Variants in PTCD2 observed in about 807,000 individuals in gnomAD.
PTCD2 encodes the protein pentatricopeptide repeat-containing protein 2, mitochondrial.
In PTCD2, 31 loss-of-function variants were observed where a neutral mutation model predicts 42.6. The observed-to-expected ratio is 0.73, with a 90% CI of 0.55 to 0.98. PTCD2 has a LOEUF of 0.98. Among genes scored for constraint, PTCD2 ranks in the 50% least tolerant of loss-of-function variants. The probability of loss-of-function intolerance (pLI) is 0.00; values close to 1 mark genes in which losing one functional copy is unlikely to be tolerated. For synonymous variants in PTCD2, 183 were observed against 170.9 expected, an observed-to-expected ratio of 1.07 and a Z score of -0.55; for missense variants, 476 against 454.8, an observed-to-expected ratio of 1.05 and a Z score of -0.42.
intron 9 of PTCD2, among the ~76,000 whole-genome samples, chr5:72,357,500 G>A (rs1197589177): frequency 1.3e-5 from 2 of 152,024 alleles, no homozygotes; most frequent in Non-Finnish European, 2.9e-5. Flanking sequence ...GCAACTTTTT[G>A]AACAGAAATG....
rs1014330443 is a variant in PTCD2, at chr5:72,364,444, C to T, written c.*6017C>T. ...CAGTTGTCTGTGTCATTTATTTTAACATGTAAAGTACACTGCCTTGTATTG... is the reference window on the plus strand; with the variant it reads ...CAGTTGTCTGTGTCATTTATTTTAATATGTAAAGTACACTGCCTTGTATTG... On this transcript the variant is annotated 3_prime_UTR_variant, in exon 10 of 10. Coordinates refer to ENST00000380639, the MANE Select transcript of PTCD2 (RefSeq NM_024754.5). The T allele has an allele frequency of 1.3e-5, 2 of 152,212 alleles. No individual in the cohort carries two copies. The highest frequency in any genetic ancestry group is 4.8e-5 in the African/African-American group (2 of 41,448). 9.4% of individuals were successfully genotyped at this position (152,212 alleles called of 1,614,324 possible). A position where few individuals can be genotyped will look rare whatever the true frequency, so the allele number is the denominator to read the frequency against.
Position 72,368,393 on chromosome 5 carries a change from T to C in PTCD2, c.*9966T>C, listed in dbSNP as rs569305472. ...ACATTTCAAATAAACTAATGTGTTA[T>C]GATTTTTTTTTCTCCTTGAATTTTA... is the stretch of plus-strand genomic sequence containing the variant. On this transcript the variant is annotated 3_prime_UTR_variant, in exon 10 of 10. Transcript: ENST00000380639. 2 of 152,346 alleles carry C rather than the reference T, an allele frequency of 1.3e-5. No homozygotes were observed. Among genetic ancestry groups the C allele is most frequent in the East Asian group, 3.9e-4 (2 of 5,186 alleles). The allele number at this position is 152,346 out of a possible 1,614,324, so 9.4% of individuals were successfully genotyped here.
rs1012177560 is a variant in PTCD2 at position 72,366,712 on chromosome 5, T to C, written c.*8285T>C. The C allele has an allele frequency of 6.6e-6, 1 of 152,182 alleles. No homozygotes were observed. The highest frequency in any genetic ancestry group is 6.5e-5 in the Admixed American group (1 of 15,286). The allele number at this position is 152,182 out of a possible 1,614,324, so 9.4% of individuals were successfully genotyped here. ...ATATAGAATATTGCCTTCACGCAGG[T>C]TAAGAAATATTTAGTGTTGAAAGGA... On this transcript the variant is annotated 3_prime_UTR_variant, in exon 10 of 10. Coordinates refer to ENST00000380639, the MANE Select transcript of PTCD2 (RefSeq NM_024754.5).
chr5:72,326,613 A>C lies in PTCD2; in HGVS notation c.222A>C (p.Glu74Asp). 1 of 1,614,150 alleles carries C rather than the reference A, an allele frequency of 6.2e-7. No homozygotes were observed. The highest frequency in any genetic ancestry group is 8.5e-7 in the Non-Finnish European group (1 of 1,180,022). ...TCACCATACTGTGCTTTCTTCCAGAAACGTATTTTAGAAACTTGAAAAAGA... is the reference window on the plus strand; with the variant it reads ...TCACCATACTGTGCTTTCTTCCAGACACGTATTTTAGAAACTTGAAAAAGA... ...AVACNLSGTK[E>D]TYFRNLKKKL... The change falls in exon 3 of 10, where the codon GAA (glutamate) becomes GAC (aspartate). Residue 74 changes from glutamate (E) to aspartate (D), a missense_variant and splice_region_variant. By Grantham distance (45) the Glu-to-Asp change is conservative. Coordinates refer to ENST00000380639, the MANE Select transcript of PTCD2 (RefSeq NM_024754.5).
At chr5:72,326,882 C>T in intron 3 of PTCD2, 141 bp downstream of exon 3, 1 of 744,356 alleles carries the variant, frequency 1.3e-6, no homozygotes, top group East Asian at 2.6e-5. Flanking sequence ...CTACCTTGAA[C>T]TCCAGACACC....
At chr5:72,345,891 A>T (rs1409881537) in intron 8 of PTCD2, among the ~76,000 whole-genome samples, 2 of 152,228 alleles carry the variant, frequency 1.3e-5, no homozygotes, top group African/African-American at 4.8e-5. Flanking sequence ...GTGAATAGGA[A>T]TTATGCATAA....
chr5:72,339,093 GC>G (rs1751910883), intron 7 of PTCD2, among the ~76,000 whole-genome samples: 1 of 152,220 alleles, frequency 6.6e-6, no homozygotes, highest in African/African-American at 2.4e-5. Flanking sequence ...TGCTGTGTCA[GC>G]CCATTGTAGA....
chr5:72,335,649 T>G, intron 5 of PTCD2, 145 bp from the exon 6 acceptor site: 1 of 502,456 alleles, frequency 2.0e-6, no homozygotes, highest in Non-Finnish European at 3.6e-6. Context: ...TATTTCAACA[T>G]TTAGTTAATT....
rs1751712514 is a variant in PTCD2, at chr5:72,335,878, A to G, written c.632A>G (p.Tyr211Cys). 1 of 1,604,356 alleles carries G rather than the reference A, an allele frequency of 6.2e-7. No homozygotes were observed. Among genetic ancestry groups the G allele is most frequent in the Non-Finnish European group, 8.5e-7 (1 of 1,171,206 alleles). Residue 211 changes from tyrosine to cysteine, a missense_variant, in exon 6 of 10, where the codon TAC (tyrosine) becomes TGC (cysteine). Transcript: ENST00000380639. ...DTYVLAFAIC[Y>C]KLNSPESFKI... is the part of the protein sequence containing the mutation. ...TATGTTCTTGCTTTTGCAATTTGCT[A>G]CAAACTGGTAAGACTCTTTCCTCTT...
chr5:72,325,046 C>T (rs1274555232), intron 2 of PTCD2, among the ~76,000 whole-genome samples: 2 of 152,058 alleles, frequency 1.3e-5, no homozygotes, highest in African/African-American at 4.8e-5. Context: ...CCTCAGCCTC[C>T]CTAGTAGCTG....
At chr5:72,340,492 T>C (rs539752824) in intron 7 of PTCD2, among the ~76,000 whole-genome samples, 1 of 152,312 alleles carries the variant, frequency 6.6e-6, no homozygotes, top group East Asian at 1.9e-4. Context: ...TAACATTGCT[T>C]CATTGTCCAG....
At chr5:72,347,149 G>A (rs567722482) in intron 8 of PTCD2, among the ~76,000 whole-genome samples, 1 of 152,202 alleles carries the variant, frequency 6.6e-6, no homozygotes, top group Non-Finnish European at 1.5e-5. Context: ...AGCAGAGTCA[G>A]GGTTTTAACA....
intron 4 of PTCD2, 109 bp downstream of exon 4, chr5:72,331,484 C>A: frequency 1.2e-6 from 1 of 813,592 alleles, no homozygotes. Flanking sequence ...CAAAGAAAGG[C>A]TGCTGGGGCT....
At chr5:72,329,278 C>CA (rs1428678855) in intron 3 of PTCD2, among the ~76,000 whole-genome samples, 1 of 152,202 alleles carries the variant, frequency 6.6e-6, no homozygotes, top group African/African-American at 2.4e-5. Context: ...TCCAAGGCTC[C>CA]ACCAACATGT....
At chr5:72,339,983 T>C (rs1243374127) in intron 7 of PTCD2, among the ~76,000 whole-genome samples, 1 of 152,212 alleles carries the variant, frequency 6.6e-6, no homozygotes, top group Non-Finnish European at 1.5e-5. Context: ...TTGTTTTAGC[T>C]TTGTCTCTTA....
chr5:72,349,718 A>C (rs2112214438), intron 8 of PTCD2, among the ~76,000 whole-genome samples: 1 of 152,278 alleles, frequency 6.6e-6, no homozygotes, highest in Middle Eastern at 3.4e-3. Context: ...TTTTGTTGGA[A>C]ATCTGTAAGA....
intron 8 of PTCD2, among the ~76,000 whole-genome samples, chr5:72,345,985 A>G (rs1752338935): frequency 6.6e-6 from 1 of 152,188 alleles, no homozygotes; most frequent in Admixed American, 6.5e-5. Context: ...ATGTCATCCC[A>G]CACCAGTGCC....
rs908394968 is a variant in PTCD2, at chr5:72,364,854, C to T, written c.*6427C>T. On this transcript the variant is annotated 3_prime_UTR_variant, in exon 10 of 10. Transcript: ENST00000380639. ...CCGTGGGCGTTTCCCCCCAGACATT[C>T]GAAGCACACAGCTAATCTGAGAAAG... 4 of 152,160 alleles carry T rather than the reference C, an allele frequency of 2.6e-5. No homozygotes were observed. Among genetic ancestry groups the T allele is most frequent in the Admixed American group, 1.3e-4 (2 of 15,268 alleles). 9.4% of individuals were successfully genotyped at this position (152,160 alleles called of 1,614,324 possible).
At chr5:72,325,850 G>T (rs1025694829) in intron 2 of PTCD2, among the ~76,000 whole-genome samples, 2 of 152,144 alleles carry the variant, frequency 1.3e-5, no homozygotes, top group African/African-American at 4.8e-5. Flanking sequence ...CCGCATTTTG[G>T]TGGGAATAAA....
Sources: gnomAD v4.1 joint callset for allele counts (sites outside exome capture counted in the v4.1 genomes callset) on GRCh38, gnomAD v4.1.1 for gene constraint, MANE v1.5 for transcripts, NCBI Gene and HGNC (gene_info 2026-07-23, HGNC 2026-07-21) for gene names.